The following SP140 variants were observed in gnomAD, a reference collection of about 807,000 sequenced individuals.
The protein encoded by SP140 is nuclear body protein SP140.
A neutral mutation model predicts 125.0 loss-of-function variants in SP140; 81 were observed. The ratio of observed to expected loss-of-function variants is 0.65; its 90% confidence interval spans 0.54 to 0.78. SP140 has a LOEUF of 0.78. Ranked by LOEUF, SP140 falls within the 30% of genes least tolerant of loss-of-function variation. The pLI, the probability that SP140 is intolerant of heterozygous loss-of-function variation, is 0.00. For synonymous variants in SP140, 312 were observed against 354.0 expected, an observed-to-expected ratio of 0.88 and a Z score of 1.33; for missense variants, 858 against 1,037.0, an observed-to-expected ratio of 0.83 and a Z score of 2.37.
chr2:230,295,208 C>T (rs1304766600), intron 21 of SP140, among the ~76,000 whole-genome samples: 9 of 152,214 alleles, frequency 5.9e-5, no homozygotes, highest in Admixed American at 5.9e-4. Context: ...TTATGCACTT[C>T]AGGTAGAAAT....
upstream of SP140, among the ~76,000 whole-genome samples, chr2:230,199,150 T>TTTA (rs1553537967): frequency 5.1e-5 from 5 of 98,670 alleles, no homozygotes; most frequent in African/African-American, 2.9e-4. Flanking sequence ...TTATTATTAT[T>TTTA]TTTTTTTTTT....
intron 3 of SP140, among the ~76,000 whole-genome samples, chr2:230,218,112 C>T (rs938665141): frequency 3.9e-5 from 6 of 152,230 alleles, no homozygotes; most frequent in African/African-American, 1.4e-4. Flanking sequence ...TTACAAATGA[C>T]ATTCTTGACA....
Position 230,307,978 on chromosome 2 carries a change from TATATATATATATACACACACAC to T in SP140, c.2059-1944_2059-1923del, listed in dbSNP as rs1236710706. On this transcript the variant is annotated intron_variant, in intron 22 of 26. Transcript: ENST00000392045. The stretch of plus-strand genomic sequence containing the variant: ...ATGTATATATATATATATATATATA[TATATATATATATACACACACAC>T]ACACACACACACACACAGAGACACA... 5.6e-3 allele frequency among the ~76,000 whole-genome samples: 528 copies of T among 94,546 alleles called. 4 individuals are homozygous for T. The highest frequency in any genetic ancestry group is 0.019 in the African/African-American group (503 of 26,720). 62.0% of individuals were successfully genotyped at this position (94,546 alleles called of 152,430 possible).
intron 22 of SP140, among the ~76,000 whole-genome samples, chr2:230,309,317 G>C (rs1354531983): frequency 1.3e-5 from 2 of 152,182 alleles, no homozygotes; most frequent in Non-Finnish European, 2.9e-5. Context: ...ATGTATGCCA[G>C]GCTCCCAGAG....
chr2:230,259,761 A>G (rs1408391235), intron 12 of SP140, among the ~76,000 whole-genome samples: 3 of 74,314 alleles, frequency 4.0e-5, no homozygotes, highest in Non-Finnish European at 1.0e-4. Flanking sequence ...ATGGCTGCGT[A>G]GTATTCCATC....
chr2:230,207,237 G>T (rs1431600116), intron 1 of SP140, among the ~76,000 whole-genome samples: 6 of 152,082 alleles, frequency 3.9e-5, no homozygotes, highest in African/African-American at 1.4e-4. Context: ...CCTTATACAT[G>T]AGTTGTAGTC....
Position 230,287,542 on chromosome 2 carries a change from T to C in SP140, c.1646-350T>C, listed in dbSNP as rs184408002. ...ATAAATTAATGGATATGTAAGTGTTTAATGTGTATTATATGTCATATATAT... is the reference window on the plus strand; with the variant it reads ...ATAAATTAATGGATATGTAAGTGTTCAATGTGTATTATATGTCATATATAT... On this transcript the variant is annotated intron_variant, in intron 17 of 26. Coordinates refer to ENST00000392045, the MANE Select transcript of SP140 (RefSeq NM_007237.5). Among the ~76,000 whole-genome samples the C allele has an allele frequency of 1.8e-4, 27 of 152,346 alleles. No homozygotes were observed. In the East Asian group the frequency reaches 3.9e-3, roughly 22 times the overall value.
intron 22 of SP140, among the ~76,000 whole-genome samples, chr2:230,305,469 G>A (rs955677925): frequency 6.6e-6 from 1 of 152,256 alleles, no homozygotes. Flanking sequence ...TGCAGGCGCT[G>A]GCCGTGGGTC....
At chr2:230,265,430 C>T (rs2052940583) in intron 12 of SP140, among the ~76,000 whole-genome samples, 1 of 152,190 alleles carries the variant, frequency 6.6e-6, no homozygotes, top group Non-Finnish European at 1.5e-5. Flanking sequence ...GGAGTCTGCA[C>T]ACCGGATTTG....
chr2:230,237,361 A>T lies in SP140; in HGVS notation c.237+101A>T, dbSNP rs2048145813. On this transcript the variant is annotated intron_variant, in intron 2 of 26. Transcript: ENST00000392045. The surrounding 1 kb of genome is among the most constrained non-coding windows in gnomAD (Gnocchi z 5.4). ...GCTAAAGGGCCTCCTGTGAGTGGGGACCTTCACCATTCTGTAGGTTAGGAG... is the reference window on the plus strand; with the variant it reads ...GCTAAAGGGCCTCCTGTGAGTGGGGTCCTTCACCATTCTGTAGGTTAGGAG... The T allele has an allele frequency of 9.2e-6, 9 of 981,882 alleles. No individual in the cohort carries two copies. Among genetic ancestry groups the T allele is most frequent in the Non-Finnish European group, 1.2e-5 (8 of 656,212 alleles). The allele number at this position is 981,882 out of a possible 1,614,324, so 60.8% of individuals were successfully genotyped here.
Position 230,240,129 on chromosome 2 carries a change from C to T in SP140, c.407-1275C>T, listed in dbSNP as rs74867532. ...GATTGAAAAAAGAAAAAATAAACCT[C>T]TACTTATACTACACAACATCCACAA... On this transcript the variant is annotated intron_variant, in intron 3 of 26. Transcript: ENST00000392045. Among the ~76,000 whole-genome samples the T allele has an allele frequency of 3.3e-3, 507 of 152,298 alleles. 5 individuals are homozygous for T. Among genetic ancestry groups the T allele is most frequent in the African/African-American group, 0.012 (491 of 41,554 alleles).
At chr2:230,210,152 T>C in intron 1 of SP140, 1 of 733,002 alleles carries the variant, frequency 1.4e-6, no homozygotes, top group Non-Finnish European at 2.5e-6. Context: ...TCCCTGGCTC[T>C]GTCTTGATTT....
At chr2:230,300,783 G>A (rs1433530351) in intron 22 of SP140, among the ~76,000 whole-genome samples, 1 of 152,116 alleles carries the variant, frequency 6.6e-6, no homozygotes, top group Non-Finnish European at 1.5e-5. Context: ...CACCAGCAAT[G>A]GATCCAAACC....
the SP140 span, among the ~76,000 whole-genome samples, chr2:230,187,656 G>T: frequency 2.6e-5 from 4 of 152,028 alleles, no homozygotes; most frequent in Non-Finnish European, 5.9e-5. Flanking sequence ...TCCATCTTGA[G>T]TTAATTTTTG....
chr2:230,217,422 C>A (rs1472641459), intron 3 of SP140, among the ~76,000 whole-genome samples: 1 of 152,084 alleles, frequency 6.6e-6, no homozygotes, highest in African/African-American at 2.4e-5. Flanking sequence ...CAATTCCCAG[C>A]AACAATGGAG....
intron 17 of SP140, among the ~76,000 whole-genome samples, chr2:230,286,950 C>G (rs1575217697): frequency 6.6e-6 from 1 of 152,296 alleles, no homozygotes; most frequent in East Asian, 1.9e-4. Context: ...CTACATGACC[C>G]TGATCAGCAC....
intron 4 of SP140, among the ~76,000 whole-genome samples, chr2:230,243,489 T>A (rs887370072): frequency 1.3e-5 from 2 of 151,922 alleles, no homozygotes; most frequent in Non-Finnish European, 2.9e-5. Context: ...TGGAAAGACA[T>A]GAGTGAGAAA....
intron 3 of SP140, among the ~76,000 whole-genome samples, chr2:230,217,419 C>T (rs2045339122): frequency 6.6e-6 from 1 of 152,122 alleles, no homozygotes; most frequent in South Asian, 2.1e-4. Flanking sequence ...GGACAATTCC[C>T]AGCAACAATG....
At chr2:230,258,295 T>G (rs768568368) in intron 12 of SP140, among the ~76,000 whole-genome samples, 1 of 152,022 alleles carries the variant, frequency 6.6e-6, no homozygotes, top group Non-Finnish European at 1.5e-5. Flanking sequence ...AGTTATAGAG[T>G]TGCTAGATTG....
Sources: allele counts gnomAD v4.1 joint callset (sites outside exome capture counted in the v4.1 genomes callset), GRCh38; gene constraint gnomAD v4.1.1; non-coding constraint Gnocchi (gnomAD v3.1); transcripts MANE v1.5; gene names NCBI Gene and HGNC (gene_info 2026-07-23, HGNC 2026-07-21).